Variants in RORA observed in about 807,000 individuals in gnomAD.
The protein encoded by RORA is nuclear receptor ROR-alpha.
A neutral mutation model predicts 69.5 loss-of-function variants in RORA; 7 were observed. The ratio of observed to expected loss-of-function variants is 0.10; its 90% CI spans 0.06 to 0.19. The LOEUF is 0.19. Among genes scored for constraint, RORA ranks in the 10% least tolerant of loss-of-function variants. RORA has a pLI of 1.00. For synonymous variants in RORA, 261 were observed against 240.8 expected (o/e 1.08, Z -0.78); for missense variants, 457 against 663.0 (o/e 0.69, Z 3.41).
chr15:61,228,631 G>A (rs1478352501), intron 1 of RORA, among the ~76,000 whole-genome samples: 1 of 151,776 alleles, frequency 6.6e-6, no homozygotes, highest in Non-Finnish European at 1.5e-5. Context: ...GAAGGAGGGT[G>A]GCCATAAACA....
At chr15:60,603,530 C>T (rs1028155610) in intron 2 of RORA, among the ~76,000 whole-genome samples, 16 of 152,170 alleles carry the variant, frequency 1.1e-4, no homozygotes, top group African/African-American at 3.6e-4. Flanking sequence ...CAAAATTATT[C>T]GTCCTAGAGG....
chr15:61,091,410 G>A lies in RORA; in HGVS notation c.166+137643C>T, dbSNP rs532859661. Among the ~76,000 whole-genome samples the A allele has an allele frequency of 8.5e-5, 13 of 152,236 alleles. No individual in the cohort carries two copies. The East Asian group carries it at 1.4e-3, about 16-fold the overall frequency. On this transcript the variant is annotated intron_variant, in intron 1 of 10. Coordinates refer to ENST00000335670, the MANE Select transcript of RORA (RefSeq NM_134261.3). Reference sequence around the variant, plus strand: ...GCCATCAAAATGGGCGTCCGTAAGCGCTGCTGTACTCCCTCCGCCACTGCC... The same window carrying A: ...GCCATCAAAATGGGCGTCCGTAAGCACTGCTGTACTCCCTCCGCCACTGCC...
intron 1 of RORA, among the ~76,000 whole-genome samples, chr15:61,163,196 T>C (rs765714343): frequency 6.6e-6 from 1 of 152,162 alleles, no homozygotes; most frequent in Admixed American, 6.5e-5. Flanking sequence ...TTTGCATCCA[T>C]CAGTTACTTT....
chr15:60,867,968 C>T (rs916440154), intron 1 of RORA, among the ~76,000 whole-genome samples: 5 of 152,070 alleles, frequency 3.3e-5, no homozygotes, highest in African/African-American at 1.2e-4. Context: ...TTACACGTTC[C>T]CTGATCCTGC....
intron 1 of RORA, among the ~76,000 whole-genome samples, chr15:60,995,445 C>G (rs971414777): frequency 6.6e-6 from 1 of 152,174 alleles, no homozygotes; most frequent in East Asian, 1.9e-4. Flanking sequence ...TTCTGATAGG[C>G]GTGACCTTGG....
chr15:61,176,669 C>A (rs574294295), intron 1 of RORA, among the ~76,000 whole-genome samples: 11 of 152,086 alleles, frequency 7.2e-5, no homozygotes, highest in African/African-American at 9.7e-5. Context: ...GCCATATGAA[C>A]ATGGGCAAGC....
chr15:60,815,355 T>A (rs954988551), intron 1 of RORA, among the ~76,000 whole-genome samples: 3 of 152,142 alleles, frequency 2.0e-5, no homozygotes, highest in Non-Finnish European at 2.9e-5. Context: ...CAAGGGAGCA[T>A]TGCCTGGTGA....
intron 1 of RORA, among the ~76,000 whole-genome samples, chr15:61,177,653 A>G (rs914064427): frequency 1.3e-5 from 2 of 152,096 alleles, no homozygotes; most frequent in Non-Finnish European, 2.9e-5. Flanking sequence ...AAAATAAAAA[A>G]CAAGAAAGGA....
At chr15:60,789,766 G>C (rs341452) in intron 1 of RORA, among the ~76,000 whole-genome samples, 148 of 152,314 alleles carry the variant, frequency 9.7e-4, no homozygotes, top group African/African-American at 3.5e-3. Context: ...GCAAATGAAG[G>C]GTCCTGAAGT....
At chr15:60,864,495 T>TC (rs530638082) in intron 1 of RORA, among the ~76,000 whole-genome samples, 191 of 152,144 alleles carry the variant, frequency 1.3e-3, no homozygotes, top group African/African-American at 4.1e-3. Flanking sequence ...TTTTTTTTTT[T>TC]TCTTTCTTCT....
At chr15:60,834,866 T>C (rs149487857) in intron 1 of RORA, among the ~76,000 whole-genome samples, 115 of 152,238 alleles carry the variant, frequency 7.6e-4, no homozygotes, top group Middle Eastern at 3.4e-3. Context: ...ACTGCAATAG[T>C]ATATTTTCCT....
At chr15:60,901,076 C>G (rs1891378594) in intron 1 of RORA, among the ~76,000 whole-genome samples, 1 of 152,088 alleles carries the variant, frequency 6.6e-6, no homozygotes, top group Admixed American at 6.5e-5. Context: ...GTAGAAGGCA[C>G]ACAATAAATA....
intron 2 of RORA, among the ~76,000 whole-genome samples, chr15:60,565,296 C>G (rs1338007018): frequency 1.3e-5 from 2 of 152,116 alleles, no homozygotes; most frequent in Non-Finnish European, 2.9e-5. Flanking sequence ...AGCTCAAGTA[C>G]CATTGCTATT....
Position 61,014,589 on chromosome 15 carries a change from A to G in RORA, c.166+214464T>C, listed in dbSNP as rs562072120. On this transcript the variant is annotated intron_variant, in intron 1 of 10. Coordinates refer to ENST00000335670, the MANE Select transcript of RORA (RefSeq NM_134261.3). ...TGTGAACCTCATTTCCAAAGGATGA[A>G]AGAATAAGAGAAAATACAGGTTAAC... Among the ~76,000 whole-genome samples, 5 of 152,344 alleles carry G rather than the reference A, an allele frequency of 3.3e-5. No individual in the cohort carries two copies. The South Asian group carries it at 1.0e-3, about 32-fold the overall frequency.
At chr15:60,777,983 C>T (rs1006918734) in intron 1 of RORA, among the ~76,000 whole-genome samples, 3 of 152,160 alleles carry the variant, frequency 2.0e-5, no homozygotes, top group African/African-American at 7.2e-5. Flanking sequence ...AATAAATTGA[C>T]GTGCTGTTTA....
chr15:60,630,884 C>CTATCTTTT (rs2069720442), intron 2 of RORA, among the ~76,000 whole-genome samples: 1 of 70,202 alleles, frequency 1.4e-5, no homozygotes, highest in Non-Finnish European at 2.6e-5. Flanking sequence ...CAGGATGAGA[C>CTATCTTTT]TTTCTTTTTT....
chr15:60,948,022 G>T (rs547958304), intron 1 of RORA, among the ~76,000 whole-genome samples: 1 of 152,290 alleles, frequency 6.6e-6, no homozygotes, highest in South Asian at 2.1e-4. Context: ...GGATGTCATG[G>T]CTAAGCCATT....
chr15:60,759,399 C>G (rs537105621), intron 1 of RORA, among the ~76,000 whole-genome samples: 1 of 152,272 alleles, frequency 6.6e-6, no homozygotes, highest in South Asian at 2.1e-4. Context: ...GGATCCTCAA[C>G]TGGAATCCAG....
intron 2 of RORA, among the ~76,000 whole-genome samples, chr15:60,676,528 C>G (rs2140745213): frequency 6.6e-6 from 1 of 152,300 alleles, no homozygotes; most frequent in Middle Eastern, 3.4e-3. Flanking sequence ...ATCTTTCTGT[C>G]CATTATATAA....
Sources: gnomAD v4.1 joint callset for allele counts (sites outside exome capture counted in the v4.1 genomes callset) on GRCh38, gnomAD v4.1.1 for gene constraint, MANE v1.5 for transcripts, NCBI Gene and HGNC (gene_info 2026-07-23, HGNC 2026-07-21) for gene names.